WDPCP: variants seen among roughly 807,000 people sequenced by gnomAD.
WDPCP encodes the protein WD repeat-containing and planar cell polarity effector protein fritz homolog.
A neutral mutation model predicts 93.1 loss-of-function variants in WDPCP; 71 were observed. That is an observed-to-expected ratio of 0.76 (90% CI 0.63 to 0.93). The LOEUF is 0.93. Ranked by LOEUF, WDPCP falls within the 40% of genes least tolerant of loss-of-function variation. The probability of loss-of-function intolerance (pLI) is 0.00; values close to 1 mark genes in which losing one functional copy is unlikely to be tolerated. For missense variants in WDPCP, 844 were observed against 887.4 expected (o/e 0.95, Z 0.62); for synonymous variants, 315 against 315.0 (o/e 1.00, Z 0.00).
chr2:63,581,017 T>C (rs1297633555), intron 1 of WDPCP, among the ~76,000 whole-genome samples: 2 of 152,186 alleles, frequency 1.3e-5, no homozygotes, highest in Non-Finnish European at 2.9e-5. Flanking sequence ...AAGTTCTTTT[T>C]ACTATTCTTA....
At chr2:63,619,604 A>G (rs1157361365) in intron 3 of WDPCP, among the ~76,000 whole-genome samples, 2 of 152,202 alleles carry the variant, frequency 1.3e-5, no homozygotes, top group African/African-American at 2.4e-5. Flanking sequence ...TACATCTTCT[A>G]TTCTTTAACA....
At chr2:63,387,395 AATAGACACAG>A (rs1692826976) in intron 10 of WDPCP, among the ~76,000 whole-genome samples, 1 of 152,178 alleles carries the variant, frequency 6.6e-6, no homozygotes, top group Non-Finnish European at 1.5e-5. Context: ...CAATCGTCTC[AATAGACACAG>A]AAAAGGCTTT....
chr2:63,485,089 A>G (rs1700490921), intron 4 of WDPCP, 102 bp from the exon 5 acceptor site: 1 of 1,195,746 alleles, frequency 8.4e-7, no homozygotes, highest in Non-Finnish European at 1.2e-6. Flanking sequence ...CACCTCTATA[A>G]TCGAGAGGAA....
chr2:63,346,168 C>T (rs1008832650), intron 12 of WDPCP, among the ~76,000 whole-genome samples: 2 of 152,074 alleles, frequency 1.3e-5, no homozygotes, highest in African/African-American at 4.8e-5. Context: ...GCTGGAATGG[C>T]TCTTAGATGC....
chr2:63,403,593 T>A (rs1694319163), intron 10 of WDPCP: 1 of 154,636 alleles, frequency 6.5e-6, no homozygotes, highest in East Asian at 1.9e-4. Context: ...AATATCTGCT[T>A]TCTTTTCTTT....
chr2:63,727,895 A>C (rs986817245), intron 2 of WDPCP, among the ~76,000 whole-genome samples: 10 of 151,990 alleles, frequency 6.6e-5, no homozygotes, highest in African/African-American at 2.4e-4. Context: ...TGTTTTTTGG[A>C]TCTTCTCTCT....
In WDPCP at chr2:63,493,379, A is replaced by G. The variant is rs542089093; in HGVS notation, c.76-439T>C. ...AAAGCAAATATTTACAATATCCTAC[A>G]TACAAACAGGCTAATTAAAGTGGAA... On this transcript the variant is annotated intron_variant, in intron 1 of 17. Transcript: ENST00000272321. Among the ~76,000 whole-genome samples the G allele has an allele frequency of 8.5e-5, 13 of 152,272 alleles. No homozygotes were observed. In the South Asian group the frequency reaches 2.7e-3, roughly 32 times the overall value.
chr2:63,800,470 A>G (rs570168216), intron 2 of WDPCP, among the ~76,000 whole-genome samples: 1 of 152,196 alleles, frequency 6.6e-6, no homozygotes, highest in South Asian at 2.1e-4. Flanking sequence ...CAAGCATAGT[A>G]AGGAGAGTTG....
At chr2:63,402,234 C>T (rs1694203283) in intron 10 of WDPCP, among the ~76,000 whole-genome samples, 1 of 152,140 alleles carries the variant, frequency 6.6e-6, no homozygotes, top group Non-Finnish European at 1.5e-5. Context: ...CCAAACATCA[C>T]ATTTTCTCAT....
At chr2:63,273,900 T>TG (rs1488478631) in intron 13 of WDPCP, among the ~76,000 whole-genome samples, 1 of 152,028 alleles carries the variant, frequency 6.6e-6, no homozygotes, top group Non-Finnish European at 1.5e-5. Flanking sequence ...ATACAATAGT[T>TG]GGAGACTTCA....
At chr2:63,207,964 T>C (rs1424907188) in intron 14 of WDPCP, among the ~76,000 whole-genome samples, 1 of 152,174 alleles carries the variant, frequency 6.6e-6, no homozygotes, top group Non-Finnish European at 1.5e-5. Flanking sequence ...TCTCTAGTTA[T>C]CATAAGCAAT....
chr2:63,375,815 C>T (rs959975604), intron 12 of WDPCP, among the ~76,000 whole-genome samples: 1 of 151,840 alleles, frequency 6.6e-6, no homozygotes. Context: ...TAATATTTTA[C>T]TCTTTATCAA....
intron 3 of WDPCP, among the ~76,000 whole-genome samples, chr2:63,612,728 G>A (rs1048908716): frequency 2.0e-5 from 3 of 151,952 alleles, no homozygotes; most frequent in Non-Finnish European, 4.4e-5. Context: ...TCTAACCATC[G>A]TTTTCAGTTA....
At chr2:63,609,420 G>A (rs962524805) in intron 3 of WDPCP, among the ~76,000 whole-genome samples, 1 of 151,938 alleles carries the variant, frequency 6.6e-6, no homozygotes, top group African/African-American at 2.4e-5. Flanking sequence ...GTACTAGAGG[G>A]GGACTGGATG....
intron 2 of WDPCP, among the ~76,000 whole-genome samples, chr2:63,719,415 A>G (rs1457807867): frequency 1.3e-5 from 2 of 152,220 alleles, no homozygotes; most frequent in Non-Finnish European, 2.9e-5. Flanking sequence ...GCCCACCAAC[A>G]AAACCTAGCT....
chr2:63,528,974 G>C lies in WDPCP; in HGVS notation c.76-36034C>G, dbSNP rs140035292. Reference sequence around the variant, plus strand: ...CCTAGGTATTTTATTCTCTTTGAAGGAATTGTGAATGGGAGTTCACTCATG... The same window carrying C: ...CCTAGGTATTTTATTCTCTTTGAAGCAATTGTGAATGGGAGTTCACTCATG... On this transcript the variant is annotated intron_variant, in intron 1 of 17. Transcript: ENST00000272321. Among the ~76,000 whole-genome samples the C allele has an allele frequency of 3.9e-3, 593 of 152,112 alleles. 2 individuals are homozygous for C. Among genetic ancestry groups the C allele is most frequent in the Middle Eastern group, 0.014 (4 of 294 alleles).
At chr2:63,128,826 G>A (rs1277590176) in intron 17 of WDPCP, among the ~76,000 whole-genome samples, 1 of 152,128 alleles carries the variant, frequency 6.6e-6, no homozygotes, top group Admixed American at 6.6e-5. Context: ...GTGCCACCAT[G>A]CCCTGCTAAT....
chr2:63,137,519 T>C (rs953085549), intron 17 of WDPCP, among the ~76,000 whole-genome samples: 2 of 152,186 alleles, frequency 1.3e-5, no homozygotes, highest in Non-Finnish European at 2.9e-5. Context: ...ACTCTGTTGA[T>C]AGTTTCTTTT....
intron 12 of WDPCP, among the ~76,000 whole-genome samples, chr2:63,373,440 G>A (rs1244564847): frequency 6.6e-6 from 1 of 151,558 alleles, no homozygotes; most frequent in Non-Finnish European, 1.5e-5. Flanking sequence ...ACGTTTTGTA[G>A]AGACGGGGTC....
Sources: allele counts gnomAD v4.1 joint callset (sites outside exome capture counted in the v4.1 genomes callset), GRCh38; gene constraint gnomAD v4.1.1; transcripts MANE v1.5; gene names NCBI Gene and HGNC (gene_info 2026-07-23, HGNC 2026-07-21).